The following SNX25 variants were observed in gnomAD, a reference collection of about 807,000 sequenced individuals.
The protein encoded by SNX25 is sorting nexin 25.
In SNX25, 62 loss-of-function variants were observed where a neutral mutation model predicts 113.7. The ratio of observed to expected loss-of-function variants is 0.55; its 90% CI spans 0.44 to 0.67. SNX25 has a LOEUF of 0.67. Among genes scored for constraint, SNX25 ranks in the 30% least tolerant of loss-of-function variants. The pLI is 0.00. For synonymous variants in SNX25, 421 were observed against 436.2 expected, an observed-to-expected ratio of 0.97 and a Z score of 0.43; for missense variants, 1,014 against 1,161.0, an observed-to-expected ratio of 0.87 and a Z score of 1.84.
intron 11 of SNX25, among the ~76,000 whole-genome samples, chr4:185,341,411 A>G (rs2095259318): frequency 6.6e-6 from 1 of 152,198 alleles, no homozygotes; most frequent in Admixed American, 6.5e-5. Context: ...TTTCTTTTCA[A>G]AGTAACACAG....
intron 2 of SNX25, among the ~76,000 whole-genome samples, chr4:185,250,969 TA>T (rs1745544728): frequency 6.6e-6 from 1 of 152,140 alleles, no homozygotes; most frequent in South Asian, 2.1e-4. Context: ...ATAACCATTT[TA>T]AGTATATAGT....
downstream of SNX25, chr4:185,364,835 A>G (rs755426075): frequency 3.3e-5 from 5 of 152,250 alleles, no homozygotes; most frequent in Non-Finnish European, 7.3e-5. Flanking sequence ...TCACAATACA[A>G]TTATGGGAAA....
chr4:185,318,006 G>T (rs1009855130), intron 7 of SNX25, among the ~76,000 whole-genome samples: 2 of 152,074 alleles, frequency 1.3e-5, no homozygotes, highest in Non-Finnish European at 2.9e-5. Flanking sequence ...ATTATGAAAA[G>T]TAAATAAATG....
chr4:185,360,950 T>TATATATAGATAGATAGATAG lies in SNX25; in HGVS notation c.2652-971_2652-970insTATAGATAGATAGATAGATA, dbSNP rs1048534398. On this transcript the variant is annotated intron_variant, in intron 16 of 18. Coordinates refer to ENST00000652585, the MANE Select transcript of SNX25 (RefSeq NM_001378034.2). ...AAAATAATATATATATATATATATA[T>TATATATAGATAGATAGATAG]ATAGAATCTGTCTAATGACTAACGA... Among the ~76,000 whole-genome samples the TATATATAGATAGATAGATAG allele has an allele frequency of 2.7e-4, 38 of 141,822 alleles. No homozygotes were observed. In the South Asian group the frequency reaches 5.8e-3, roughly 21 times the overall value. The allele number at this position is 141,822 out of a possible 152,430, so 93.0% of individuals were successfully genotyped here.
At chr4:185,252,742 G>GT (rs1745853575) in intron 2 of SNX25, among the ~76,000 whole-genome samples, 2 of 152,150 alleles carry the variant, frequency 1.3e-5, no homozygotes, top group South Asian at 4.1e-4. Context: ...TAGGATTTAA[G>GT]TCTTTACAGA....
At chr4:185,349,702 C>T (rs985990647) in intron 13 of SNX25, among the ~76,000 whole-genome samples, 4 of 152,012 alleles carry the variant, frequency 2.6e-5, no homozygotes, top group African/African-American at 9.7e-5. Flanking sequence ...CTATTCAAGT[C>T]CTTTGCCCAC....
downstream of SNX25, chr4:185,373,050 G>A (rs776047224): frequency 1.8e-5 from 29 of 1,610,376 alleles, no homozygotes; most frequent in Non-Finnish European, 2.5e-5. Flanking sequence ...GATTCCCATT[G>A]CCACATGCTT....
chr4:185,323,752 A>C lies in SNX25; in HGVS notation c.1701A>C (p.Lys567Asn). The C allele has an allele frequency of 6.2e-7, 1 of 1,613,696 alleles. No homozygotes were observed. Among genetic ancestry groups the C allele is most frequent in the African/African-American group, 1.3e-5 (1 of 75,038 alleles). ...VSDLYEKLLIKEEEKHASQMI... is the reference protein window; with the variant it reads ...VSDLYEKLLINEEEKHASQMI... ...ACCTGTATGAGAAATTGTTGATAAA[A>C]GAGGAAGAAAAACATGCCTCACAGA... The change falls in exon 9 of 19, where the codon AAA (lysine) becomes AAC (asparagine). Residue 567 changes from lysine to asparagine, a missense_variant. Lys to Asn is a moderately conservative substitution (Grantham distance 94). Coordinates refer to ENST00000652585, the MANE Select transcript of SNX25 (RefSeq NM_001378034.2).
intron 13 of SNX25, among the ~76,000 whole-genome samples, chr4:185,350,596 C>T (rs746195605): frequency 2.0e-5 from 3 of 152,196 alleles, no homozygotes; most frequent in Non-Finnish European, 4.4e-5. Context: ...GGCACGGTGG[C>T]TCACGCCTGT....
At chr4:185,221,118 C>T (rs1017397049) in intron 1 of SNX25, among the ~76,000 whole-genome samples, 3 of 151,754 alleles carry the variant, frequency 2.0e-5, no homozygotes, top group Non-Finnish European at 2.9e-5. Flanking sequence ...CCGCAACCTC[C>T]ACTTCCTGGG....
chr4:185,208,845 A>G (rs1334181890), upstream of SNX25, among the ~76,000 whole-genome samples: 1 of 152,266 alleles, frequency 6.6e-6, no homozygotes, highest in Non-Finnish European at 1.5e-5. Flanking sequence ...GTGTTTAAGT[A>G]GCATATTGGC....
At chr4:185,346,412 GT>G in intron 12 of SNX25, 124 bp from the exon 13 acceptor site, 1 of 686,428 alleles carries the variant, frequency 1.5e-6, no homozygotes, top group African/African-American at 1.9e-5. Context: ...AGATGGGTAG[GT>G]TTTCACCTCA....
At chr4:185,333,136 C>T (rs906691649) in intron 10 of SNX25, among the ~76,000 whole-genome samples, 1 of 152,142 alleles carries the variant, frequency 6.6e-6, no homozygotes, top group African/African-American at 2.4e-5. Flanking sequence ...TTTAGGGAAC[C>T]TTACAGTATT....
chr4:185,224,428 A>T (rs1323292533), intron 1 of SNX25, among the ~76,000 whole-genome samples: 4 of 123,740 alleles, frequency 3.2e-5, no homozygotes, highest in Non-Finnish European at 5.0e-5. Flanking sequence ...AAAATATATA[A>T]AAATATATAG....
chr4:185,227,478 C>T (rs985212941), intron 1 of SNX25, among the ~76,000 whole-genome samples: 3 of 152,182 alleles, frequency 2.0e-5, no homozygotes, highest in South Asian at 2.1e-4. Context: ...TGCATTCACC[C>T]GGGAAGGACT....
chr4:185,257,407 A>G (rs1746614596), intron 2 of SNX25, among the ~76,000 whole-genome samples: 1 of 152,178 alleles, frequency 6.6e-6, no homozygotes, highest in African/African-American at 2.4e-5. Context: ...GCTGTCCAAC[A>G]CGGTAACCAC....
At chr4:185,368,521 C>A (rs950036036), downstream of SNX25, among the ~76,000 whole-genome samples, 2 of 152,216 alleles carry the variant, frequency 1.3e-5, no homozygotes, top group Non-Finnish European at 2.9e-5. Context: ...GTGAACACCG[C>A]TGTCGGGACA....
intron 11 of SNX25, 148 bp from the exon 12 acceptor site, chr4:185,341,828 G>C: frequency 1.4e-6 from 1 of 737,860 alleles, no homozygotes; most frequent in South Asian, 4.0e-5. Context: ...TTAGTTACTA[G>C]AATAAAATCT....
intron 1 of SNX25, among the ~76,000 whole-genome samples, chr4:185,233,484 A>T (rs1001357451): frequency 6.6e-6 from 1 of 152,232 alleles, no homozygotes; most frequent in Non-Finnish European, 1.5e-5. Context: ...TTACAATAGA[A>T]GCCAGTGATA....
Sources: allele counts gnomAD v4.1 joint callset (sites outside exome capture counted in the v4.1 genomes callset), GRCh38; gene constraint gnomAD v4.1.1; transcripts MANE v1.5; gene names NCBI Gene and HGNC (gene_info 2026-07-23, HGNC 2026-07-21).